The following CTBP1 variants were observed in gnomAD, a reference collection of about 807,000 sequenced individuals.
CTBP1 encodes the protein C-terminal binding protein 1.
In CTBP1, 11 loss-of-function variants were observed where a neutral mutation model predicts 42.1. That is an observed-to-expected ratio of 0.26 (90% CI 0.16 to 0.43). The LOEUF is 0.43. Ranked by LOEUF, CTBP1 falls within the 20% of genes least tolerant of loss-of-function variation. The pLI, the probability that CTBP1 is intolerant of heterozygous loss-of-function variation, is 1.00. For missense variants in CTBP1, 399 were observed against 624.3 expected, an observed-to-expected ratio of 0.64 and a Z score of 3.85; for synonymous variants, 324 against 277.1, an observed-to-expected ratio of 1.17 and a Z score of -1.68.
intron 5 of CTBP1, among the ~76,000 whole-genome samples, chr4:1,224,962 CTGA>C (rs1202509315): frequency 6.6e-6 from 1 of 150,968 alleles, no homozygotes; most frequent in East Asian, 2.0e-4. Flanking sequence ...CATGTGTGCT[CTGA>C]TTTCTGTGTG....
At chr4:1,246,272 G>A (rs532706094) in intron 1 of CTBP1, among the ~76,000 whole-genome samples, 3 of 152,146 alleles carry the variant, frequency 2.0e-5, no homozygotes, top group South Asian at 2.1e-4. Flanking sequence ...GGACCCTGGC[G>A]CTCCACCCGG....
chr4:1,248,943 G>T lies in CTBP1; in HGVS notation c.-216C>A. On this transcript the variant is annotated 5_prime_UTR_variant, in exon 1 of 10. Coordinates refer to ENST00000382952, the MANE Select transcript of CTBP1 (RefSeq NM_001012614.2). ...AGCGGCAGGCCCTTGTTGAGCAAGTGCGAGCTGCCCATCGAGAGGCGCGAG... is the reference window on the plus strand; with the variant it reads ...AGCGGCAGGCCCTTGTTGAGCAAGTTCGAGCTGCCCATCGAGAGGCGCGAG... 1 of 1,011,374 alleles carries T rather than the reference G, an allele frequency of 9.9e-7. No individual in the cohort carries two copies. The highest frequency in any genetic ancestry group is 5.3e-5 in the Admixed American group (1 of 19,014). The allele number at this position is 1,011,374 out of a possible 1,614,324, so 62.7% of individuals were successfully genotyped here. A position where few individuals can be genotyped will look rare whatever the true frequency, so the allele number is the denominator to read the frequency against.
At chr4:1,226,601 C>T (rs1408833777) in intron 4 of CTBP1, among the ~76,000 whole-genome samples, 4 of 150,372 alleles carry the variant, frequency 2.7e-5, no homozygotes, top group Admixed American at 2.7e-4. Flanking sequence ...GGCCAGATCC[C>T]AGGGGTGCCC....
rs1730233174 is a variant in CTBP1, at chr4:1,225,483, G to A, written c.391C>T (p.Arg131Trp). 3.2e-6 allele frequency: 5 copies of A among 1,545,634 alleles called. No homozygotes were observed. The highest frequency in any genetic ancestry group is 4.4e-6 in the Non-Finnish European group (5 of 1,146,992). ...AGCGCCTGGTGCAGCCAGGTGGCCC[G>A]CCGGTACAGGTTCAGGATGTGGCAC... ...TLCHILNLYR[R>W]ATWLHQALRE... is the part of the protein sequence containing the mutation. The change falls in exon 5 of 10, where the codon CGG becomes TGG. Residue 131 changes from arginine to tryptophan, a missense_variant. Transcript: ENST00000382952.
At chr4:1,227,109 TTGTTCTAA>T (rs1730432219) in intron 4 of CTBP1, among the ~76,000 whole-genome samples, 1 of 151,806 alleles carries the variant, frequency 6.6e-6, no homozygotes, top group African/African-American at 2.4e-5. Flanking sequence ...CGCCCCAAGT[TTGTTCTAA>T]TGAGTGTCTG....
chr4:1,219,107 T>A (rs887595294), intron 5 of CTBP1, among the ~76,000 whole-genome samples: 32 of 152,028 alleles, frequency 2.1e-4, no homozygotes, highest in Admixed American at 2.0e-3. Flanking sequence ...CAAGGCAGGG[T>A]GACCACTTGA....
At chr4:1,247,767 A>AGGG (rs3832288) in intron 1 of CTBP1, among the ~76,000 whole-genome samples, 10 of 70,838 alleles carry the variant, frequency 1.4e-4, no homozygotes, top group South Asian at 5.0e-4. Context: ...GAGGCCGGGG[A>AGGG]GGGGGGGGGG....
At chr4:1,236,312 G>T in intron 3 of CTBP1, 2 of 370,426 alleles carry the variant, frequency 5.4e-6, no homozygotes, top group Non-Finnish European at 9.9e-6. Flanking sequence ...GAGCCTGTGG[G>T]TCTCCTGAGC....
At chr4:1,249,638 C>T (rs1030133408), upstream of CTBP1, 30 of 419,570 alleles carry the variant, frequency 7.2e-5, no homozygotes, top group Admixed American at 7.6e-4. Flanking sequence ...CCCACCCGAG[C>T]CCTGATTTAC....
Position 1,218,811 on chromosome 4 carries a change from GCAA to G in CTBP1, c.515-2609_515-2607del, listed in dbSNP as rs368101205. 2.5e-4 allele frequency among the ~76,000 whole-genome samples: 38 copies of G among 152,180 alleles called. No homozygotes were observed. The South Asian group carries it at 7.3e-3, about 29-fold the overall frequency. On this transcript the variant is annotated intron_variant, in intron 5 of 9. Transcript: ENST00000382952. ...CACTAAGCAGAGTATAGGTTAAAAAGCAACAACAGATGCAAGGAATCATTTAAC... is the reference window on the plus strand; with the variant it reads ...CACTAAGCAGAGTATAGGTTAAAAAGCAACAGATGCAAGGAATCATTTAAC...
Position 1,212,980 on chromosome 4 carries a change from C to A in CTBP1, c.1039G>T (p.Ala347Ser). Residue 347 changes from alanine (A) to serine (S), a missense_variant, in exon 9 of 10, where the codon GCC (alanine) becomes TCC (serine). Around this residue, in one of 4 missense-constraint regions of CTBP1, gnomAD observed 309 missense variants for 497.5 expected, o/e 0.62. Transcript: ENST00000382952. ...TCCATGCTGGCCCAGTGGGTGGCGG[C>A]TGTCAGATGGTCCTTGTTGACACAG... ...KNCVNKDHLT[A>S]ATHWASMDPA... 1 of 1,613,904 alleles carries A rather than the reference C, an allele frequency of 6.2e-7. No homozygotes were observed. The highest frequency in any genetic ancestry group is 8.5e-7 in the Non-Finnish European group (1 of 1,180,002).
In CTBP1 at chr4:1,241,341, T is replaced by C. The variant is rs1047113711; in HGVS notation, c.-10A>G. 5.4e-6 allele frequency: 5 copies of C among 918,358 alleles called. No individual in the cohort carries two copies. The highest frequency in any genetic ancestry group is 2.4e-5 in the East Asian group (1 of 41,794). The allele number at this position is 918,358 out of a possible 1,614,324, so 56.9% of individuals were successfully genotyped here. A position where few individuals can be genotyped will look rare whatever the true frequency, so the allele number is the denominator to read the frequency against. ...CCTACCAACCTGACATCTCTTAATA[T>C]GGGCTCAGCTTCCACGACCATGAAT... On this transcript the variant is annotated 5_prime_UTR_variant, in exon 2 of 10. Coordinates refer to ENST00000382952, the MANE Select transcript of CTBP1 (RefSeq NM_001012614.2).
chr4:1,248,590 A>G (rs910860256), intron 1 of CTBP1: 4 of 792,106 alleles, frequency 5.0e-6, no homozygotes, highest in African/African-American at 1.9e-5. Context: ...CCCGGGTCCG[A>G]CGGGGCTGGG....
At chr4:1,221,885 G>C in intron 5 of CTBP1, 1 of 388,866 alleles carries the variant, frequency 2.6e-6, no homozygotes, top group Non-Finnish European at 5.1e-6. Context: ...GGGAAGGAGG[G>C]AGGAAAGAAA....
intron 5 of CTBP1, chr4:1,217,088 AG>A (rs1298659040): frequency 6.6e-6 from 1 of 152,444 alleles, no homozygotes; most frequent in Non-Finnish European, 1.5e-5. Context: ...GGGGACAGGA[AG>A]GGAGCCAGAG....
chr4:1,238,484 A>G lies in CTBP1; in HGVS notation c.8-147T>C, dbSNP rs1460432095. 22 of 1,041,966 alleles carry G rather than the reference A, an allele frequency of 2.1e-5. No individual in the cohort carries two copies. Among genetic ancestry groups the G allele is most frequent in the Non-Finnish European group, 2.8e-5 (21 of 756,202 alleles). 64.5% of individuals were successfully genotyped at this position (1,041,966 alleles called of 1,614,324 possible). On this transcript the variant is annotated intron_variant, in intron 2 of 9. Transcript: ENST00000382952. This position sits in a 1 kb window ranked among gnomAD's most constrained non-coding sequence, Gnocchi z 5.9. ...ATGTTGTGATATTTGTAAAAAGTAA[A>G]TTAAAAATCCACGTGAAAGACAACT...
At position 1,214,546 on chromosome 4, in the gene CTBP1, T is replaced by C; in HGVS notation, c.730-73A>G. ...GCGGGCAGCCAGGGAAGCAAGGTGG[T>C]CACGCACGCCGTTGGGAAGGCCCAG... is the stretch of plus-strand genomic sequence containing the variant. On this transcript the variant is annotated intron_variant, in intron 6 of 9. Transcript: ENST00000382952. 2.0e-6 allele frequency: 3 copies of C among 1,489,794 alleles called. No homozygotes were observed. The South Asian group carries it at 4.1e-5, about 20-fold the overall frequency. The allele number at this position is 1,489,794 out of a possible 1,614,324, so 92.3% of individuals were successfully genotyped here.
At chr4:1,224,853 T>A (rs1560247520) in intron 5 of CTBP1, among the ~76,000 whole-genome samples, 1 of 151,346 alleles carries the variant, frequency 6.6e-6, no homozygotes, top group Non-Finnish European at 1.5e-5. Context: ...GAGGCCCACA[T>A]GTGTGCTGTG....
At position 1,233,398 on chromosome 4, in the gene CTBP1, T is replaced by A. The variant is rs964864794; in HGVS notation, c.162+4785A>T. Among the ~76,000 whole-genome samples the A allele has an allele frequency of 2.0e-5, 3 of 152,320 alleles. No homozygotes were observed. The highest frequency in any genetic ancestry group is 4.4e-5 in the Non-Finnish European group (3 of 68,016). ...CCCCACCCCCAAGGCGTGGAGATGC[T>A]TGTCTTGCAGGAGTGCAACTGTCCA... On this transcript the variant is annotated intron_variant, in intron 3 of 9. Coordinates refer to ENST00000382952, the MANE Select transcript of CTBP1 (RefSeq NM_001012614.2). The surrounding 1 kb of genome is among the most constrained non-coding windows in gnomAD (Gnocchi z 4.6).
Sources: allele counts gnomAD v4.1 joint callset (sites outside exome capture counted in the v4.1 genomes callset), GRCh38; gene constraint gnomAD v4.1.1; regional missense constraint gnomAD v4.1.1; non-coding constraint Gnocchi (gnomAD v3.1); transcripts MANE v1.5; gene names NCBI Gene and HGNC (gene_info 2026-07-23, HGNC 2026-07-21).